Variants in CELF5 observed in about 807,000 individuals in gnomAD.
The protein encoded by CELF5 is CUG-BP and ETR-3 like factor 5.
CELF5 carries 6 observed loss-of-function variants against 54.9 expected under a neutral mutation model. The ratio of observed to expected loss-of-function variants is 0.11; its 90% confidence interval spans 0.06 to 0.22. The LOEUF (loss-of-function observed/expected upper bound fraction) is 0.22, where lower values mean the gene tolerates loss of function less well. Among genes scored for constraint, CELF5 ranks in the 10% least tolerant of loss-of-function variants. CELF5 has a pLI of 1.00. For missense variants in CELF5, 401 were observed against 678.6 expected, an observed-to-expected ratio of 0.59 and a Z score of 4.54; for synonymous variants, 271 against 290.9, an observed-to-expected ratio of 0.93 and a Z score of 0.70.
At chr19:3,244,871 G>A (rs1430589489) in intron 1 of CELF5, among the ~76,000 whole-genome samples, 2 of 149,752 alleles carry the variant, frequency 1.3e-5, no homozygotes, top group Admixed American at 6.7e-5. Context: ...AGTGTGTGGT[G>A]TGTGTATGTG....
intron 2 of CELF5, among the ~76,000 whole-genome samples, chr19:3,269,473 C>T (rs1190834597): frequency 6.6e-6 from 1 of 152,266 alleles, no homozygotes; most frequent in Admixed American, 6.5e-5. Flanking sequence ...CCACCGCGCC[C>T]GGCCCCTCCT....
chr19:3,228,977 G>A lies in CELF5; in HGVS notation c.259+3979G>A, dbSNP rs1029988054. 2.0e-5 allele frequency among the ~76,000 whole-genome samples: 3 copies of A among 151,838 alleles called. No homozygotes were observed. The highest frequency in any genetic ancestry group is 2.1e-4 in the South Asian group (1 of 4,808). ...TGCTGTGTGGCTTCAAGCTGAGCGC[G>A]CCCCTCTCTGTGCCTCGTTTTCCCC... is the stretch of plus-strand genomic sequence containing the variant. On this transcript the variant is annotated intron_variant, in intron 1 of 12. Transcript: ENST00000292672. The surrounding 1 kb of genome is among the most constrained non-coding windows in gnomAD (Gnocchi z 6.0).
intron 1 of CELF5, among the ~76,000 whole-genome samples, chr19:3,250,387 G>A (rs2079632214): frequency 6.6e-6 from 1 of 152,146 alleles, no homozygotes; most frequent in Admixed American, 6.5e-5. Flanking sequence ...TACTCGGGAG[G>A]CTGAGGCAGG....
chr19:3,297,035 A>C lies in CELF5; in HGVS notation c.*318A>C, dbSNP rs1192451482. 2.6e-5 allele frequency: 4 copies of C among 151,354 alleles called. No homozygotes were observed. Among genetic ancestry groups the C allele is most frequent in the African/African-American group, 9.7e-5 (4 of 41,280 alleles). The allele number at this position is 151,354 out of a possible 1,614,324, so 9.4% of individuals were successfully genotyped here. ...TCTGGAGAAAAAAAAAAAAAAAAAA[A>C]AACAACTAAAAATTTATTTAATAAA... On this transcript the variant is annotated 3_prime_UTR_variant, in exon 13 of 13. Transcript: ENST00000292672.
At chr19:3,293,542 C>T (rs2080386832) in intron 12 of CELF5, 56 bp downstream of exon 12, 2 of 1,409,028 alleles carry the variant, frequency 1.4e-6, no homozygotes, top group Admixed American at 4.6e-5. Context: ...TCTGAAACCC[C>T]CTCCCGCGGC....
chr19:3,263,698 A>G (rs1283008672), intron 2 of CELF5, among the ~76,000 whole-genome samples: 1 of 152,182 alleles, frequency 6.6e-6, no homozygotes, highest in African/African-American at 2.4e-5. Context: ...TGAGGTCAGG[A>G]GTTCAAGACC....
At position 3,291,571 on chromosome 19, in the gene CELF5, C is replaced by CA. The variant is rs34331089; in HGVS notation, c.1330+1215dup. Among the ~76,000 whole-genome samples, 498 of 85,142 alleles carry CA rather than the reference C, an allele frequency of 5.8e-3. 17 individuals carry two copies. The highest frequency in any genetic ancestry group is 0.038 in the East Asian group (93 of 2,474). The allele number at this position is 85,142 out of a possible 152,430, so 55.9% of individuals were successfully genotyped here. A position where few individuals can be genotyped will look rare whatever the true frequency, so the allele number is the denominator to read the frequency against. On this transcript the variant is annotated intron_variant, in intron 11 of 12. Transcript: ENST00000292672. ...TGGGCAATAAAGCAAGACTCCGACT[C>CA]AAAAAAAAAAAAAAAAAAGAACTGA...
At chr19:3,263,090 A>C (rs1346173410) in intron 2 of CELF5, among the ~76,000 whole-genome samples, 1 of 151,180 alleles carries the variant, frequency 6.6e-6, no homozygotes, top group Non-Finnish European at 1.5e-5. Flanking sequence ...TACTAAACAT[A>C]CAAAAAATTA....
At position 3,228,210 on chromosome 19, in the gene CELF5, A is replaced by T. The variant is rs1225770809; in HGVS notation, c.259+3212A>T. ...CAGAGAGACAGAGACAGAGAAACAC[A>T]GACAGGGAGGGGGCTGCAGAGAGAT... On this transcript the variant is annotated intron_variant, in intron 1 of 12. Transcript: ENST00000292672. The surrounding 1 kb of genome is among the most constrained non-coding windows in gnomAD (Gnocchi z 6.0). 3.3e-5 allele frequency among the ~76,000 whole-genome samples: 5 copies of T among 152,114 alleles called. No individual in the cohort carries two copies. The East Asian group carries it at 9.6e-4, about 29-fold the overall frequency.
chr19:3,284,827 C>A, intron 8 of CELF5, 75 bp from the exon 9 acceptor site: 2 of 1,294,988 alleles, frequency 1.5e-6, no homozygotes, highest in South Asian at 2.4e-5. Context: ...GCTGTCCTTG[C>A]GGCTCTTAAG....
At chr19:3,294,791 AAAATAAACAG>A (rs1312758589) in intron 12 of CELF5, 1 of 152,246 alleles carries the variant, frequency 6.6e-6, no homozygotes, top group Non-Finnish European at 1.5e-5. Context: ...GGAGAGACAG[AAAATAAACAG>A]AAATATCTGT....
intron 1 of CELF5, among the ~76,000 whole-genome samples, chr19:3,231,887 T>C (rs1261167174): frequency 6.6e-6 from 1 of 150,706 alleles, no homozygotes; most frequent in African/African-American, 2.4e-5. Flanking sequence ...AATAGATGGA[T>C]GGATGATGGG....
At chr19:3,266,466 G>A (rs1487670762) in intron 2 of CELF5, among the ~76,000 whole-genome samples, 2 of 152,088 alleles carry the variant, frequency 1.3e-5, no homozygotes, top group Non-Finnish European at 1.5e-5. Flanking sequence ...AAAGAATCAC[G>A]TGTGTTGCTG....
In CELF5 at chr19:3,281,839, G is replaced by A. The variant is rs1455215081; in HGVS notation, c.751-287G>A. On this transcript the variant is annotated intron_variant, in intron 6 of 12. Coordinates refer to ENST00000292672, the MANE Select transcript of CELF5 (RefSeq NM_021938.4). This position sits in a 1 kb window ranked among gnomAD's most constrained non-coding sequence, Gnocchi z 6.5. Reference sequence around the variant, plus strand: ...AGATTGAGCCTTAGTCCCAGGCTGAGCCTCGCTTTTCTAACTGAGCCCTGA... The same window carrying A: ...AGATTGAGCCTTAGTCCCAGGCTGAACCTCGCTTTTCTAACTGAGCCCTGA... 6.6e-6 allele frequency among the ~76,000 whole-genome samples: 1 copy of A among 151,746 alleles called. No homozygotes were observed.
At chr19:3,286,129 G>C (rs1599480896) in intron 10 of CELF5, 104 bp downstream of exon 10, 3 of 1,028,476 alleles carry the variant, frequency 2.9e-6, no homozygotes, top group Non-Finnish European at 4.0e-6. Flanking sequence ...CCGCGGGGCT[G>C]AGAGTGCGGC....
At chr19:3,226,915 C>G (rs1271663902) in intron 1 of CELF5, among the ~76,000 whole-genome samples, 2 of 152,022 alleles carry the variant, frequency 1.3e-5, no homozygotes, top group Non-Finnish European at 1.5e-5. Context: ...ATGACGCATC[C>G]CCAGTTCTTT....
intron 1 of CELF5, among the ~76,000 whole-genome samples, chr19:3,225,928 C>T (rs887363661): frequency 1.3e-5 from 2 of 152,182 alleles, no homozygotes; most frequent in African/African-American, 4.8e-5. Context: ...GAGGCGTGGG[C>T]GGCCTCAGGC....
chr19:3,260,603 T>A (rs1363845211), intron 2 of CELF5, among the ~76,000 whole-genome samples: 2 of 148,342 alleles, frequency 1.3e-5, no homozygotes, highest in Non-Finnish European at 1.5e-5. Flanking sequence ...CACAGGTGTG[T>A]GCCACCACAC....
Position 3,276,004 on chromosome 19 carries a change from G to A in CELF5, c.523+20G>A, listed in dbSNP as rs775872019. 1.3e-6 allele frequency: 2 copies of A among 1,591,516 alleles called. No homozygotes were observed. Among genetic ancestry groups the A allele is most frequent in the African/African-American group, 1.4e-5 (1 of 73,724 alleles). On this transcript the variant is annotated intron_variant, in intron 4 of 12. Transcript: ENST00000292672. The stretch of plus-strand genomic sequence containing the variant: ...GCAAAGGTGACTGGCGGGGGCCGGG[G>A]CGGGACTGCGAGAGGGGCCGGGCTA...
Sources: gnomAD v4.1 joint callset for allele counts (sites outside exome capture counted in the v4.1 genomes callset) on GRCh38, gnomAD v4.1.1 for gene constraint, Gnocchi (gnomAD v3.1) non-coding constraint, MANE v1.5 for transcripts, NCBI Gene and HGNC (gene_info 2026-07-23, HGNC 2026-07-21) for gene names.